Variants in TCF7L2 observed in about 807,000 individuals in gnomAD.
TCF7L2 encodes the protein transcription factor 7 like 2.
In TCF7L2, 23 loss-of-function variants were observed where a neutral mutation model predicts 77.9. That is an observed-to-expected ratio of 0.30 (90% CI 0.21 to 0.42). TCF7L2 has a LOEUF of 0.42. Among genes scored for constraint, TCF7L2 ranks in the 10% least tolerant of loss-of-function variants. The pLI is 1.00. For missense variants in TCF7L2, 654 were observed against 793.1 expected (o/e 0.82, Z 2.11); for synonymous variants, 413 against 340.2 (o/e 1.21, Z -2.36).
At chr10:113,152,766 C>T (rs952421732) in intron 11 of TCF7L2, among the ~76,000 whole-genome samples, 8 of 152,186 alleles carry the variant, frequency 5.3e-5, no homozygotes, top group African/African-American at 1.9e-4. Flanking sequence ...CCCAAAGGAC[C>T]TTATGTTCCG....
intron 5 of TCF7L2, among the ~76,000 whole-genome samples, chr10:113,097,511 G>C (rs560360274): frequency 6.6e-6 from 1 of 151,826 alleles, no homozygotes; most frequent in African/African-American, 2.4e-5. Flanking sequence ...AAATTAGCCA[G>C]ACATGGTGGC....
rs534110993 is a variant in TCF7L2, at chr10:113,165,733, G to A, written c.1570G>A (p.Asp524Asn). 1.3e-5 allele frequency: 21 copies of A among 1,580,450 alleles called. No homozygotes were observed. Among genetic ancestry groups the A allele is most frequent in the African/African-American group, 1.2e-4 (8 of 69,138 alleles). The change falls in exon 14 of 14, where the codon GAC becomes AAC. Residue 524 changes from aspartate to asparagine, a missense_variant. By Grantham distance (23) the Asp-to-Asn change is conservative (BLOSUM62 1). Around this residue, in one of 6 missense-constraint regions of TCF7L2, gnomAD observed 272 missense variants for 215.4 expected, o/e 1.26. Transcript: ENST00000627217. ...GCCTCTGTCGCTGTCCCTGAAGCCC[G>A]ACCCCCTGGCCCACCTGTCCATGAT...
At chr10:112,962,191 A>C (rs1190643874) in intron 3 of TCF7L2, among the ~76,000 whole-genome samples, 1 of 152,158 alleles carries the variant, frequency 6.6e-6, no homozygotes, top group Non-Finnish European at 1.5e-5. Context: ...TGTCCACTCA[A>C]TTTTAATTGA....
chr10:113,060,129 C>T (rs1457160303), intron 5 of TCF7L2, among the ~76,000 whole-genome samples: 4 of 152,056 alleles, frequency 2.6e-5, no homozygotes, highest in Non-Finnish European at 5.9e-5. Flanking sequence ...TCAGATAGAA[C>T]AAAAATCAAG....
intron 5 of TCF7L2, among the ~76,000 whole-genome samples, chr10:113,069,279 G>C (rs1416709037): frequency 1.3e-5 from 2 of 151,684 alleles, no homozygotes; most frequent in Non-Finnish European, 2.9e-5. Flanking sequence ...ACCCAGGCTG[G>C]AGTGCCGTGG....
chr10:112,969,158 C>A lies in TCF7L2; in HGVS notation c.450+4534C>A, dbSNP rs149726176. 2.7e-3 allele frequency among the ~76,000 whole-genome samples: 410 copies of A among 152,230 alleles called. 1 individual carries two copies. Among genetic ancestry groups the A allele is most frequent in the African/African-American group, 9.3e-3 (387 of 41,530 alleles). On this transcript the variant is annotated intron_variant, in intron 4 of 13. Transcript: ENST00000627217. ...TTTGGCTTCTTCCTCTCTCCCCTGCCCCCACTGAAAAGTCTGTTAGTTTTA... is the reference window on the plus strand; with the variant it reads ...TTTGGCTTCTTCCTCTCTCCCCTGCACCCACTGAAAAGTCTGTTAGTTTTA...
chr10:113,157,701 C>T (rs113710525), intron 11 of TCF7L2: 26 of 258,108 alleles, frequency 1.0e-4, no homozygotes, highest in Middle Eastern at 1.4e-3. Flanking sequence ...TTCCTCGTGC[C>T]GTCCCCCATT....
intron 5 of TCF7L2, among the ~76,000 whole-genome samples, chr10:113,106,510 A>G (rs908252684): frequency 6.6e-6 from 1 of 152,192 alleles, no homozygotes; most frequent in Non-Finnish European, 1.5e-5. Flanking sequence ...TGTGTTCAGT[A>G]TGAATTCACT....
rs199845310 is a variant in TCF7L2, at chr10:113,083,358, T to TA, written c.552+43241dup. On this transcript the variant is annotated intron_variant, in intron 5 of 13. Coordinates refer to ENST00000627217, the MANE Select transcript of TCF7L2 (RefSeq NM_001146274.2). ...CCTTGCCACTCACACATGCTCACAT[T>TA]AAAAAAAAATAATAATGAGAAAAAA... Among the ~76,000 whole-genome samples, 412 of 149,776 alleles carry TA rather than the reference T, an allele frequency of 2.8e-3. 2 individuals are homozygous for TA. The highest frequency in any genetic ancestry group is 9.9e-3 in the African/African-American group (402 of 40,744).
Position 113,138,778 on chromosome 10 carries a change from C to T in TCF7L2, c.553-2406C>T, listed in dbSNP as rs553138699. ...GCCTGTGTGCGTGTGGTCCTCATGG[C>T]GGAACACAAGAACCACCCACAACAC... On this transcript the variant is annotated intron_variant, in intron 5 of 13. Transcript: ENST00000627217. 7.9e-5 allele frequency among the ~76,000 whole-genome samples: 12 copies of T among 152,182 alleles called. No individual in the cohort carries two copies. The East Asian group carries it at 9.7e-4, about 12-fold the overall frequency.
At chr10:113,117,621 A>G (rs2064034957) in intron 5 of TCF7L2, among the ~76,000 whole-genome samples, 1 of 152,222 alleles carries the variant, frequency 6.6e-6, no homozygotes, top group African/African-American at 2.4e-5. Context: ...ATAATTTGTC[A>G]TCTTACCAGT....
chr10:113,016,630 C>A (rs1449955136), intron 4 of TCF7L2, among the ~76,000 whole-genome samples: 1 of 152,168 alleles, frequency 6.6e-6, no homozygotes, highest in Non-Finnish European at 1.5e-5. Flanking sequence ...TCCCTTCCTT[C>A]ATCCCAGCTG....
intron 4 of TCF7L2, among the ~76,000 whole-genome samples, chr10:113,007,523 G>C (rs2045774074): frequency 6.6e-6 from 1 of 152,258 alleles, no homozygotes; most frequent in South Asian, 2.1e-4. Context: ...GCCAGGCTGT[G>C]AAGTTCAACG....
At position 113,036,532 on chromosome 10, in the gene TCF7L2, T is replaced by C. The variant is rs1029931776; in HGVS notation, c.451-3493T>C. 4.6e-5 allele frequency among the ~76,000 whole-genome samples: 7 copies of C among 152,140 alleles called. No individual in the cohort carries two copies. The East Asian group carries it at 1.3e-3, about 29-fold the overall frequency. ...ATTGGTGTTGTATATATTTCAAGAT[T>C]TGCTCACAGGTCCAAAGCTTAACTT... On this transcript the variant is annotated intron_variant, in intron 4 of 13. Transcript: ENST00000627217.
intron 5 of TCF7L2, among the ~76,000 whole-genome samples, chr10:113,083,105 G>T (rs1364997661): frequency 6.6e-6 from 1 of 152,070 alleles, no homozygotes; most frequent in Non-Finnish European, 1.5e-5. Context: ...TGCATGCCTT[G>T]AGTGCAGAGA....
intron 5 of TCF7L2, among the ~76,000 whole-genome samples, chr10:113,053,165 C>T (rs571203286): frequency 1.2e-4 from 18 of 151,962 alleles, no homozygotes; most frequent in Admixed American, 9.2e-4. Flanking sequence ...TGAGCTAGTG[C>T]GTGTTTGGAC....
Position 112,950,836 on chromosome 10 carries a change from A to C in TCF7L2, c.80A>C (p.Gln27Pro). Residue 27 changes from glutamine (Q) to proline (P), a missense_variant, in exon 1 of 14, where the codon CAG becomes CCG. Gln to Pro is a moderately conservative substitution (Grantham distance 76, BLOSUM62 -1). Around this residue, in one of 6 missense-constraint regions of TCF7L2, gnomAD observed 37 missense variants for 48.1 expected, o/e 0.77. Transcript: ENST00000627217. ...ATTTCCTTCAAAGACGAGGGCGAAC[A>C]GGAGGAGAAGAGCTCCGAAAACTCC... The C allele has an allele frequency of 6.2e-7, 1 of 1,607,794 alleles. No homozygotes were observed.
intron 5 of TCF7L2, among the ~76,000 whole-genome samples, chr10:113,084,478 TCA>T (rs2059623780): frequency 6.6e-6 from 1 of 152,206 alleles, no homozygotes; most frequent in South Asian, 2.1e-4. Context: ...TGAGGCCTGC[TCA>T]CATCAAGGAG....
intron 4 of TCF7L2, among the ~76,000 whole-genome samples, chr10:113,008,634 A>T (rs2045966034): frequency 6.6e-6 from 1 of 152,206 alleles, no homozygotes; most frequent in Admixed American, 6.5e-5. Context: ...AACACCTGTG[A>T]AATTATAGGT....
Sources: allele counts gnomAD v4.1 joint callset (sites outside exome capture counted in the v4.1 genomes callset), GRCh38; gene constraint gnomAD v4.1.1; regional missense constraint gnomAD v4.1.1; transcripts MANE v1.5; gene names NCBI Gene and HGNC (gene_info 2026-07-23, HGNC 2026-07-21).